Variants in ST6GALNAC3 observed in about 807,000 individuals in gnomAD.
ST6GALNAC3 encodes ST6 N-acetylgalactosaminide alpha-2,6-sialyltransferase 3, also known as alpha-N-acetylgalactosaminide alpha-2,6-sialyltransferase 3.
A neutral mutation model predicts 32.7 loss-of-function variants in ST6GALNAC3; 25 were observed. The ratio of observed to expected loss-of-function variants is 0.76; its 90% CI spans 0.56 to 1.07. The LOEUF (loss-of-function observed/expected upper bound fraction) is 1.07. Among genes scored for constraint, ST6GALNAC3 ranks in the 50% least tolerant of loss-of-function variants. ST6GALNAC3 has a pLI of 0.00. For missense variants in ST6GALNAC3, 355 were observed against 382.4 expected (o/e 0.93, Z 0.60); for synonymous variants, 129 against 133.1 (o/e 0.97, Z 0.21).
intron 1 of ST6GALNAC3, among the ~76,000 whole-genome samples, chr1:76,222,800 A>C (rs763384957): frequency 6.6e-6 from 1 of 152,180 alleles, no homozygotes; most frequent in African/African-American, 2.4e-5. Context: ...GATATGAAAA[A>C]ATGCTCAATA....
At chr1:76,105,508 T>TTG in intron 1 of ST6GALNAC3, among the ~76,000 whole-genome samples, 1 of 81,138 alleles carries the variant, frequency 1.2e-5, no homozygotes, top group Non-Finnish European at 2.3e-5. Context: ...ATCCTGAGAT[T>TTG]AGGTCACAGA....
At chr1:76,152,829 GT>G (rs1651128914) in intron 1 of ST6GALNAC3, among the ~76,000 whole-genome samples, 1 of 152,174 alleles carries the variant, frequency 6.6e-6, no homozygotes, top group African/African-American at 2.4e-5. Flanking sequence ...AGGTTTAGAG[GT>G]TCCACCAACA....
chr1:76,305,268 T>G (rs1396286326), intron 1 of ST6GALNAC3, among the ~76,000 whole-genome samples: 4 of 152,092 alleles, frequency 2.6e-5, no homozygotes, highest in Non-Finnish European at 5.9e-5. Context: ...AAAAGAGTAG[T>G]AATGTGAATT....
chr1:76,306,119 T>G (rs1557771048), intron 1 of ST6GALNAC3, among the ~76,000 whole-genome samples: 3 of 152,132 alleles, frequency 2.0e-5, no homozygotes, highest in Non-Finnish European at 4.4e-5. Context: ...TACATTTACT[T>G]TGAAATCAGC....
At chr1:76,189,348 T>G (rs566657100) in intron 1 of ST6GALNAC3, among the ~76,000 whole-genome samples, 1 of 152,292 alleles carries the variant, frequency 6.6e-6, no homozygotes, top group Admixed American at 6.5e-5. Flanking sequence ...CTTCCCAAAC[T>G]CCAGGCACAT....
At chr1:76,432,146 T>C (rs1438003567) in intron 3 of ST6GALNAC3, among the ~76,000 whole-genome samples, 1 of 152,232 alleles carries the variant, frequency 6.6e-6, no homozygotes, top group Non-Finnish European at 1.5e-5. Context: ...AATTTCTTAC[T>C]TATTACACCC....
intron 1 of ST6GALNAC3, among the ~76,000 whole-genome samples, chr1:76,193,866 A>G (rs1393210366): frequency 6.6e-6 from 1 of 152,164 alleles, no homozygotes; most frequent in African/African-American, 2.4e-5. Context: ...CTCACGTGGT[A>G]GAGAGAGAGT....
intron 3 of ST6GALNAC3, among the ~76,000 whole-genome samples, chr1:76,452,482 T>C (rs1657481769): frequency 6.6e-6 from 1 of 152,190 alleles, no homozygotes; most frequent in African/African-American, 2.4e-5. Flanking sequence ...GGGTTTTAAT[T>C]ATAAAAGGAT....
intron 3 of ST6GALNAC3, among the ~76,000 whole-genome samples, chr1:76,415,096 G>A (rs1479183170): frequency 6.8e-6 from 1 of 147,200 alleles, no homozygotes; most frequent in Non-Finnish European, 1.5e-5. Flanking sequence ...ATCTAGATTT[G>A]TTAATCACAT....
At chr1:76,206,529 A>G (rs1654833503) in intron 1 of ST6GALNAC3, among the ~76,000 whole-genome samples, 1 of 152,172 alleles carries the variant, frequency 6.6e-6, no homozygotes. Context: ...GGAGATCAAG[A>G]CCATCCTGGC....
intron 2 of ST6GALNAC3, among the ~76,000 whole-genome samples, chr1:76,408,449 C>T (rs1434169387): frequency 6.6e-6 from 1 of 152,076 alleles, no homozygotes; most frequent in African/African-American, 2.4e-5. Flanking sequence ...ATTCATAATA[C>T]TCTACCCAAT....
chr1:76,556,484 G>A (rs1294183504), intron 3 of ST6GALNAC3, among the ~76,000 whole-genome samples: 1 of 151,994 alleles, frequency 6.6e-6, no homozygotes, highest in Non-Finnish European at 1.5e-5. Flanking sequence ...AGCTGTACCA[G>A]TTTACATTTC....
chr1:76,158,510 T>C (rs1385086865), intron 1 of ST6GALNAC3, among the ~76,000 whole-genome samples: 1 of 152,222 alleles, frequency 6.6e-6, no homozygotes, highest in African/African-American at 2.4e-5. Context: ...TAGGGATTTA[T>C]TAATTTTTTG....
chr1:76,202,267 C>CGTGTGTGTGTGT lies in ST6GALNAC3; in HGVS notation c.19-111538_19-111537insGTGTGTGTGTGT, dbSNP rs1009699009. 1.6e-3 allele frequency among the ~76,000 whole-genome samples: 154 copies of CGTGTGTGTGTGT among 96,878 alleles called. 1 individual carries two copies. In the East Asian group the frequency reaches 0.044, roughly 28 times the overall value. 63.6% of individuals were successfully genotyped at this position (96,878 alleles called of 152,430 possible). Reference sequence around the variant, plus strand: ...TGTGGGTGGAGAGTGTGTGTGCATGCATGTGTGTGTGTGTGTGTGTGTGTG... The same window carrying CGTGTGTGTGTGT: ...TGTGGGTGGAGAGTGTGTGTGCATGCGTGTGTGTGTGTATGTGTGTGTGTGTGTGTGTGTGTG... On this transcript the variant is annotated intron_variant, in intron 1 of 4. Transcript: ENST00000328299.
chr1:76,078,789 A>AT (rs1245481349), intron 1 of ST6GALNAC3, among the ~76,000 whole-genome samples: 48 of 150,986 alleles, frequency 3.2e-4, no homozygotes, highest in African/African-American at 1.0e-3. Context: ...TATTATTATT[A>AT]TTTTTTTTTG....
At position 76,577,036 on chromosome 1, in the gene ST6GALNAC3, G is replaced by T. The variant is rs758301227; in HGVS notation, c.624-50416G>T. The stretch of plus-strand genomic sequence containing the variant: ...GATTAAGATTGTGGCTTTGTGTAAA[G>T]TTCTTTCCCTTTGTAGACTTGCTGC... On this transcript the variant is annotated intron_variant, in intron 3 of 4. Transcript: ENST00000328299. 3 of 1,165,632 alleles carry T rather than the reference G, an allele frequency of 2.6e-6. No individual in the cohort carries two copies. The South Asian group carries it at 5.5e-5, about 21-fold the overall frequency. The allele number at this position is 1,165,632 out of a possible 1,614,324, so 72.2% of individuals were successfully genotyped here. A position where few individuals can be genotyped will look rare whatever the true frequency, so the allele number is the denominator to read the frequency against.
At chr1:76,277,653 T>G (rs1469866423) in intron 1 of ST6GALNAC3, among the ~76,000 whole-genome samples, 1 of 150,172 alleles carries the variant, frequency 6.7e-6, no homozygotes, top group African/African-American at 2.4e-5. Context: ...CATATGTAGC[T>G]GTATATACAC....
intron 1 of ST6GALNAC3, among the ~76,000 whole-genome samples, chr1:76,247,411 C>T (rs960939298): frequency 5.3e-5 from 8 of 152,162 alleles, no homozygotes; most frequent in Admixed American, 3.9e-4. Flanking sequence ...ACAGAAACTG[C>T]GGACTTAACC....
At chr1:76,309,197 G>A (rs1646705259) in intron 1 of ST6GALNAC3, among the ~76,000 whole-genome samples, 1 of 152,034 alleles carries the variant, frequency 6.6e-6, no homozygotes, top group Non-Finnish European at 1.5e-5. Context: ...GTATTATAGT[G>A]TTCTATTTAC....
Sources: allele counts gnomAD v4.1 joint callset (sites outside exome capture counted in the v4.1 genomes callset), GRCh38; gene constraint gnomAD v4.1.1; transcripts MANE v1.5; gene names NCBI Gene and HGNC (gene_info 2026-07-23, HGNC 2026-07-21).